The following WDR38 variants were observed in gnomAD, a reference collection of about 807,000 sequenced individuals.
The protein encoded by WDR38 is WD repeat domain 38.
WDR38 carries 37 observed loss-of-function variants against 36.6 expected under a neutral mutation model. The observed-to-expected ratio is 1.01, with a 90% CI of 0.78 to 1.33. The LOEUF (loss-of-function observed/expected upper bound fraction) is 1.33, where lower values mean the gene tolerates loss of function less well. Ranked by LOEUF, WDR38 falls within the 40% of genes most tolerant of loss-of-function variation. The probability of loss-of-function intolerance (pLI) is 0.00; values close to 1 mark genes in which losing one functional copy is unlikely to be tolerated. For synonymous variants in WDR38, 164 were observed against 168.1 expected, an observed-to-expected ratio of 0.98 and a Z score of 0.19; for missense variants, 411 against 414.6, an observed-to-expected ratio of 0.99 and a Z score of 0.07.
rs1185872885 is a variant in WDR38, at chr9:124,855,732, T to C, written c.289T>C (p.Cys97Arg). The C allele has an allele frequency of 9.9e-6, 16 of 1,613,288 alleles. No individual in the cohort carries two copies. The highest frequency in any genetic ancestry group is 1.4e-5 in the Non-Finnish European group (16 of 1,180,048). ...CCTGTGGGATGTGGCAAGAGCGAAG[T>C]GTCTGCGGGTCCTGAAGGGTGAGTG... is the stretch of plus-strand genomic sequence containing the variant. ...VRLWDVARAK[C>R]LRVLKGHQRS... The change falls in exon 3 of 9, where the codon TGT becomes CGT. Residue 97 changes from cysteine to arginine, a missense_variant. By Grantham distance (180) the Cys-to-Arg change is radical (BLOSUM62 -3). Coordinates refer to ENST00000373574, the MANE Select transcript of WDR38 (RefSeq NM_001045476.3).
chr9:124,856,169 C>T (rs1446250741), intron 4 of WDR38, 71 bp from the exon 5 acceptor site: 1 of 1,602,780 alleles, frequency 6.2e-7, no homozygotes, highest in Non-Finnish European at 8.5e-7. Flanking sequence ...CGAGGTCCCC[C>T]TTTCCTGGAC....
chr9:124,857,553 T>A lies in WDR38; in HGVS notation c.868T>A (p.Leu290Ile). ...TCAFTPDGKI[L>I]VSGAADQTRR... is the part of the protein sequence containing the mutation. Reference sequence around the variant, plus strand: ...TGCCTTCACCCCAGATGGGAAAATCTTAGTGTCTGGAGCTGCCGATCAGAC... The same window carrying A: ...TGCCTTCACCCCAGATGGGAAAATCATAGTGTCTGGAGCTGCCGATCAGAC... The change falls in exon 9 of 9, where the codon TTA becomes ATA. Residue 290 changes from leucine to isoleucine, a missense_variant. Physicochemically the swap from Leu to Ile is conservative, Grantham distance 5. Transcript: ENST00000373574. 1 of 1,614,200 alleles carries A rather than the reference T, an allele frequency of 6.2e-7. No individual in the cohort carries two copies. Among genetic ancestry groups the A allele is most frequent in the Non-Finnish European group, 8.5e-7 (1 of 1,180,028 alleles).
chr9:124,856,814 CCTGGGTGAAGAG>C lies in WDR38; in HGVS notation c.703_714del (p.Trp235_Ser238del). ...CTTATCCAACTGAAGGGCCATGTCA[CCTGGGTGAAGAG>C]CATAGCCTTCTCTCCCGACGAGCTG... On this transcript the variant is annotated inframe_deletion, in exon 7 of 9. Coordinates refer to ENST00000373574, the MANE Select transcript of WDR38 (RefSeq NM_001045476.3). The C allele has an allele frequency of 2.5e-6, 4 of 1,614,232 alleles. No individual in the cohort carries two copies. The highest frequency in any genetic ancestry group is 3.4e-6 in the Non-Finnish European group (4 of 1,180,054).
At chr9:124,854,481 C>T (rs1417313692) in intron 2 of WDR38, among the ~76,000 whole-genome samples, 156 bp downstream of exon 2, 2 of 151,478 alleles carry the variant, frequency 1.3e-5, no homozygotes, top group Admixed American at 1.3e-4. Context: ...GGGGCTTAGA[C>T]TCTAACAGGC....
At position 124,856,242 on chromosome 9, in the gene WDR38, C is replaced by G. The variant is rs375694188; in HGVS notation, c.408C>G (p.Ser136=). The change falls in exon 5 of 9, where the codon TCC becomes TCG. Residue 136 remains serine, a splice_region_variant and synonymous_variant. Coordinates refer to ENST00000373574, the MANE Select transcript of WDR38 (RefSeq NM_001045476.3). ...DKRVMLWDVQ[S]GQMLRLLVGH... ...CTGCAGCTCAGGGCTCTCTCTAGTC[C>G]GGCCAGATGCTGCGCCTCTTAGTTG... 6.2e-7 allele frequency: 1 copy of G among 1,614,048 alleles called. No individual in the cohort carries two copies. Among genetic ancestry groups the G allele is most frequent in the Non-Finnish European group, 8.5e-7 (1 of 1,180,054 alleles).
At position 124,855,783 on chromosome 9, in the gene WDR38, G is replaced by A. The variant is rs759452884; in HGVS notation, c.307+33G>A. The A allele has an allele frequency of 5.6e-6, 9 of 1,613,228 alleles. No individual in the cohort carries two copies. In the South Asian group the frequency reaches 7.7e-5, roughly 14 times the overall value. On this transcript the variant is annotated intron_variant, in intron 3 of 8. Coordinates refer to ENST00000373574, the MANE Select transcript of WDR38 (RefSeq NM_001045476.3). ...AGCTGGGAGCCAAGCAGCCAGGCCA[G>A]CGTTCCCTTTCAGATGGTGCTGTGT...
chr9:124,854,287 G>A lies in WDR38; in HGVS notation c.152G>A (p.Arg51Gln), dbSNP rs749820022. The change falls in exon 2 of 9, where the codon CGG becomes CAG. Residue 51 changes from arginine to glutamine, a missense_variant. By Grantham distance (43) the Arg-to-Gln change is conservative. Transcript: ENST00000373574. ...GGCTGCGTGTATGGCTGGGAGACCC[G>A]GAGTGGGCAGCTGCTGTGGAGGCTG... ...EDGCVYGWET[R>Q]SGQLLWRLGG... 1.5e-5 allele frequency: 25 copies of A among 1,613,882 alleles called. No individual in the cohort carries two copies. The highest frequency in any genetic ancestry group is 1.2e-4 in the African/African-American group (9 of 74,926).
chr9:124,856,001 C>T, intron 4 of WDR38, 43 bp downstream of exon 4: 1 of 1,612,078 alleles, frequency 6.2e-7, no homozygotes, highest in Non-Finnish European at 8.5e-7. Flanking sequence ...ATTCAAGGAC[C>T]AGTTCCAGAG....
intron 2 of WDR38, among the ~76,000 whole-genome samples, chr9:124,855,413 C>G (rs1381879918): frequency 6.6e-6 from 1 of 152,184 alleles, no homozygotes; most frequent in Non-Finnish European, 1.5e-5. Context: ...GAGGTCCCTA[C>G]TTTGACTTGG....
intron 3 of WDR38, 36 bp from the exon 4 acceptor site, chr9:124,855,825 T>C (rs767914050): frequency 1.9e-6 from 3 of 1,613,790 alleles, no homozygotes; most frequent in Admixed American, 1.7e-5. Flanking sequence ...TCACGTCACC[T>C]TTCCACCTTC....
intron 2 of WDR38, among the ~76,000 whole-genome samples, chr9:124,854,791 C>G (rs979861640): frequency 6.6e-6 from 1 of 152,158 alleles, no homozygotes; most frequent in African/African-American, 2.4e-5. Flanking sequence ...GTCTTGAACT[C>G]CTGACCTCGT....
intron 2 of WDR38, 109 bp downstream of exon 2, chr9:124,854,434 G>A (rs1290383113): frequency 5.8e-6 from 9 of 1,543,442 alleles, no homozygotes; most frequent in Non-Finnish European, 7.9e-6. Context: ...AGGCAGGGCT[G>A]GGCAGGTTGG....
chr9:124,857,645 G>C lies in WDR38; in HGVS notation c.*15G>C. On this transcript the variant is annotated 3_prime_UTR_variant, in exon 9 of 9. Coordinates refer to ENST00000373574, the MANE Select transcript of WDR38 (RefSeq NM_001045476.3). The stretch of plus-strand genomic sequence containing the variant: ...CTCAAACCTAACACCAACCACCTTA[G>C]ATGGTGCCGACCTCACCCGCTCCCC... 6.2e-7 allele frequency: 1 copy of C among 1,613,390 alleles called. No individual in the cohort carries two copies. The highest frequency in any genetic ancestry group is 8.5e-7 in the Non-Finnish European group (1 of 1,179,994).
intron 2 of WDR38, among the ~76,000 whole-genome samples, chr9:124,854,645 ACCCCC>A (rs1829000909): frequency 2.0e-5 from 3 of 151,908 alleles, no homozygotes; most frequent in African/African-American, 7.3e-5. Context: ...GCTCACTGCA[ACCCCC>A]GCCTCCTGGG....
At chr9:124,857,017 C>A (rs1025745052) in intron 7 of WDR38, 136 bp downstream of exon 7, 25 of 1,297,508 alleles carry the variant, frequency 1.9e-5, no homozygotes, top group African/African-American at 2.9e-5. Flanking sequence ...TGGGTGCCAG[C>A]CTCTCTTCCT....
At position 124,854,251 on chromosome 9, in the gene WDR38, G is replaced by T; in HGVS notation, c.116G>T (p.Gly39Val). Residue 39 changes from glycine to valine, a missense_variant, in exon 2 of 9, where the codon GGC becomes GTC. Physicochemically the swap from Gly to Val is moderately radical, Grantham distance 109. Coordinates refer to ENST00000373574, the MANE Select transcript of WDR38 (RefSeq NM_001045476.3). ...FSPDGQMLLT[G>V]SEDGCVYGWE... ...CCTGATGGCCAGATGCTGCTCACAG[G>T]CTCAGAAGATGGCTGCGTGTATGGC... The T allele has an allele frequency of 1.9e-6, 3 of 1,614,154 alleles. No individual in the cohort carries two copies. The highest frequency in any genetic ancestry group is 1.7e-6 in the Non-Finnish European group (2 of 1,180,016).
chr9:124,856,955 G>C (rs1431283680), intron 7 of WDR38, 74 bp downstream of exon 7: 2 of 1,594,308 alleles, frequency 1.3e-6, no homozygotes, highest in African/African-American at 2.7e-5. Flanking sequence ...ACTCACTCCA[G>C]AAATGCCCAC....
In WDR38 at chr9:124,855,763, G is replaced by C. The variant is rs1289342283; in HGVS notation, c.307+13G>C. ...CGGGTCCTGAAGGGTGAGTGAGCTG[G>C]GAGCCAAGCAGCCAGGCCAGCGTTC... is the stretch of plus-strand genomic sequence containing the variant. On this transcript the variant is annotated intron_variant, in intron 3 of 8. Transcript: ENST00000373574. 1 of 1,613,164 alleles carries C rather than the reference G, an allele frequency of 6.2e-7. No individual in the cohort carries two copies. The highest frequency in any genetic ancestry group is 8.5e-7 in the Non-Finnish European group (1 of 1,180,040).
In WDR38 at chr9:124,856,937, C is replaced by A. The variant is rs1564306496; in HGVS notation, c.768+56C>A. ...CTACCCATCCTCACCCCACCAGGAG[C>A]CCTCAGCACTCACTCCAGAAATGCC... On this transcript the variant is annotated intron_variant, in intron 7 of 8. Transcript: ENST00000373574. 37 of 1,605,526 alleles carry A rather than the reference C, an allele frequency of 2.3e-5. No homozygotes were observed. The East Asian group carries it at 8.0e-4, about 35-fold the overall frequency.
Sources: allele counts gnomAD v4.1 joint callset (sites outside exome capture counted in the v4.1 genomes callset), GRCh38; gene constraint gnomAD v4.1.1; transcripts MANE v1.5; gene names NCBI Gene and HGNC (gene_info 2026-07-23, HGNC 2026-07-21).